The following CDS1 variants were observed in gnomAD, a reference collection of about 807,000 sequenced individuals.
CDS1 encodes the protein phosphatidate cytidylyltransferase 1.
In CDS1, 41 loss-of-function variants were observed where a neutral mutation model predicts 62.1. The observed-to-expected ratio is 0.66, with a 90% confidence interval of 0.51 to 0.86. The LOEUF (loss-of-function observed/expected upper bound fraction) is 0.86. Ranked by LOEUF, CDS1 falls within the 40% of genes least tolerant of loss-of-function variation. The pLI is 0.00. For missense variants in CDS1, 470 were observed against 550.1 expected, an observed-to-expected ratio of 0.85 and a Z score of 1.46; for synonymous variants, 185 against 192.6, an observed-to-expected ratio of 0.96 and a Z score of 0.32.
At chr4:84,585,739 A>G (rs1293372645) in intron 1 of CDS1, among the ~76,000 whole-genome samples, 2 of 152,224 alleles carry the variant, frequency 1.3e-5, no homozygotes, top group African/African-American at 4.8e-5. Context: ...ATGCTGAGAG[A>G]AGGCTCTGTA....
chr4:84,619,044 T>TACACAC (rs33991933), intron 4 of CDS1, among the ~76,000 whole-genome samples: 6,996 of 140,896 alleles, frequency 0.05, 212 homozygotes, highest in Middle Eastern at 0.094. Flanking sequence ...ATTAAATTTA[T>TACACAC]ACACACACAC....
At chr4:84,643,982 T>C (rs912321119) in intron 11 of CDS1, among the ~76,000 whole-genome samples, 19 of 151,734 alleles carry the variant, frequency 1.3e-4, no homozygotes, top group African/African-American at 4.4e-4. Context: ...CAGAGAAAAC[T>C]AAGAAGAGAG....
At chr4:84,618,803 G>A (rs1723577742) in intron 4 of CDS1, among the ~76,000 whole-genome samples, 1 of 152,086 alleles carries the variant, frequency 6.6e-6, no homozygotes, top group South Asian at 2.1e-4. Context: ...GCAGTGGGGA[G>A]ACAGGTTGAA....
chr4:84,591,776 T>C (rs1722597246), intron 1 of CDS1, among the ~76,000 whole-genome samples: 2 of 152,176 alleles, frequency 1.3e-5, no homozygotes, highest in African/African-American at 2.4e-5. Context: ...AATTAAAAAA[T>C]GTAAAGGAGA....
chr4:84,645,901 AGG>A (rs1430500616), intron 12 of CDS1, among the ~76,000 whole-genome samples: 1 of 152,162 alleles, frequency 6.6e-6, no homozygotes, highest in East Asian at 1.9e-4. Context: ...CTGTGTGTGT[AGG>A]GGCTGGCTGG....
intron 7 of CDS1, among the ~76,000 whole-genome samples, 165 bp from the exon 8 acceptor site, chr4:84,635,099 T>C (rs1014084684): frequency 2.6e-5 from 4 of 152,156 alleles, no homozygotes; most frequent in African/African-American, 9.7e-5. Context: ...TTGGTTGATA[T>C]TTATCATTTC....
intron 7 of CDS1, among the ~76,000 whole-genome samples, chr4:84,635,003 A>G (rs976696186): frequency 6.6e-6 from 1 of 152,216 alleles, no homozygotes; most frequent in African/African-American, 2.4e-5. Context: ...AACATCCATA[A>G]CTGTAGAAAT....
At position 84,649,927 on chromosome 4, in the gene CDS1, T is replaced by C. The variant is rs1724681203; in HGVS notation, c.*1241T>C. ...TAACCAGATGAGAGTAAATTTCTTA[T>C]CCGTGGACGTATGTAAGCTACTGCT... On this transcript the variant is annotated 3_prime_UTR_variant, in exon 13 of 13. Transcript: ENST00000295887. 1.3e-5 allele frequency: 2 copies of C among 152,184 alleles called. No individual in the cohort carries two copies. Among genetic ancestry groups the C allele is most frequent in the Admixed American group, 1.3e-4 (2 of 15,282 alleles). 9.4% of individuals were successfully genotyped at this position (152,184 alleles called of 1,614,324 possible).
chr4:84,635,639 C>T (rs1431085959), intron 8 of CDS1, among the ~76,000 whole-genome samples: 7 of 96,304 alleles, frequency 7.3e-5, no homozygotes, highest in African/African-American at 3.1e-4. Flanking sequence ...TCCTTCCTTC[C>T]TTCCTTCCTT....
intron 2 of CDS1, among the ~76,000 whole-genome samples, chr4:84,605,346 G>A (rs1180527946): frequency 2.0e-5 from 3 of 151,706 alleles, no homozygotes; most frequent in South Asian, 4.2e-4. Flanking sequence ...AATGCTACAT[G>A]TAACTTATTC....
At chr4:84,610,299 GACATC>G (rs1723277592) in intron 3 of CDS1, among the ~76,000 whole-genome samples, 1 of 152,110 alleles carries the variant, frequency 6.6e-6, no homozygotes, top group Admixed American at 6.5e-5. Flanking sequence ...CCAAAGTGGA[GACATC>G]ATGAGCGGGG....
rs143213768 is a variant in CDS1 at position 84,619,518 on chromosome 4, G to T, written c.565G>T (p.Ala189Ser). ...TCGCTACCATAGATTTATATCATTTGCCCTCTATCTGGCAGGTAAGTTAAG... is the reference window on the plus strand; with the variant it reads ...TCGCTACCATAGATTTATATCATTTTCCCTCTATCTGGCAGGTAAGTTAAG... Reference protein sequence around the residue: ...LIRYHRFISFALYLAGFCMFV... With the variant: ...LIRYHRFISFSLYLAGFCMFV... Residue 189 changes from alanine to serine, a missense_variant, in exon 5 of 13, where the codon GCC becomes TCC. Physicochemically the swap from Ala to Ser is moderately conservative, Grantham distance 99 (BLOSUM62 1). Coordinates refer to ENST00000295887, the MANE Select transcript of CDS1 (RefSeq NM_001263.4). The T allele has an allele frequency of 1.1e-5, 18 of 1,591,446 alleles. No individual in the cohort carries two copies. The African/African-American group carries it at 1.6e-4, about 14-fold the overall frequency.
intron 1 of CDS1, among the ~76,000 whole-genome samples, chr4:84,594,400 G>A (rs527288351): frequency 6.6e-6 from 1 of 152,190 alleles, no homozygotes; most frequent in East Asian, 1.9e-4. Context: ...TCTCAGAGCA[G>A]CTGTCTTCCT....
chr4:84,631,666 T>C (rs924734761), intron 5 of CDS1, among the ~76,000 whole-genome samples, 153 bp from the exon 6 acceptor site: 2 of 152,192 alleles, frequency 1.3e-5, no homozygotes, highest in Non-Finnish European at 2.9e-5. Context: ...TTACTTTAAA[T>C]GCTTAATGTA....
chr4:84,638,317 A>G (rs973471666), intron 8 of CDS1, among the ~76,000 whole-genome samples: 3 of 152,222 alleles, frequency 2.0e-5, no homozygotes, highest in Non-Finnish European at 4.4e-5. Context: ...TTCTTCTTGG[A>G]AATGGACATA....
At chr4:84,638,232 T>C (rs1724274119) in intron 8 of CDS1, among the ~76,000 whole-genome samples, 1 of 152,180 alleles carries the variant, frequency 6.6e-6, no homozygotes, top group Admixed American at 6.5e-5. Flanking sequence ...TTTCCATGAA[T>C]GGTCCATTGA....
intron 3 of CDS1, among the ~76,000 whole-genome samples, chr4:84,611,075 G>A (rs1233640578): frequency 6.6e-6 from 1 of 152,248 alleles, no homozygotes; most frequent in Non-Finnish European, 1.5e-5. Context: ...TGAAGGTTGA[G>A]TGGGAATCAA....
At chr4:84,591,617 C>G (rs1722593013) in intron 1 of CDS1, among the ~76,000 whole-genome samples, 1 of 152,054 alleles carries the variant, frequency 6.6e-6, no homozygotes, top group African/African-American at 2.4e-5. Flanking sequence ...AAAATACTTG[C>G]TTATACTTAA....
chr4:84,593,579 A>G lies in CDS1; in HGVS notation c.117+10061A>G, dbSNP rs557854604. Among the ~76,000 whole-genome samples the G allele has an allele frequency of 1.5e-3, 234 of 151,850 alleles. 1 individual carries two copies. The South Asian group carries it at 0.025, about 16-fold the overall frequency. On this transcript the variant is annotated intron_variant, in intron 1 of 12. Coordinates refer to ENST00000295887, the MANE Select transcript of CDS1 (RefSeq NM_001263.4). ...GAGTGCAGTGGCACAATCTTGGCTC[A>G]CTGCAACCTCTGTCTCCCAGATTCA... is the stretch of plus-strand genomic sequence containing the variant.
Sources: gnomAD v4.1 joint callset for allele counts (sites outside exome capture counted in the v4.1 genomes callset) on GRCh38, gnomAD v4.1.1 for gene constraint, MANE v1.5 for transcripts, NCBI Gene and HGNC (gene_info 2026-07-23, HGNC 2026-07-21) for gene names.